ARHGEF38: variants seen among roughly 807,000 people sequenced by gnomAD.
The protein encoded by ARHGEF38 is Rho guanine nucleotide exchange factor (GEF) 38.
A neutral mutation model predicts 79.9 loss-of-function variants in ARHGEF38; 79 were observed. The observed-to-expected ratio is 0.99, with a 90% CI of 0.82 to 1.19. The LOEUF (loss-of-function observed/expected upper bound fraction) is 1.19. ARHGEF38 is among the 50% of genes most tolerant of loss of function. The pLI is 0.00. For synonymous variants in ARHGEF38, 366 were observed against 328.3 expected (o/e 1.11, Z -1.24); for missense variants, 962 against 907.2 (o/e 1.06, Z -0.78).
At chr4:105,561,374 C>A (rs1725515712) in intron 1 of ARHGEF38, among the ~76,000 whole-genome samples, 1 of 125,004 alleles carries the variant, frequency 8.0e-6, no homozygotes, top group Non-Finnish European at 1.7e-5. Context: ...TGCACTCCAG[C>A]CTGGAGTCTC....
intron 2 of ARHGEF38, among the ~76,000 whole-genome samples, chr4:105,604,228 G>A (rs1261969217): frequency 6.6e-6 from 1 of 152,166 alleles, no homozygotes; most frequent in African/African-American, 2.4e-5. Flanking sequence ...TAACTTAGAT[G>A]TCATGATCAA....
intron 1 of ARHGEF38, among the ~76,000 whole-genome samples, chr4:105,577,953 T>C (rs1013797759): frequency 6.6e-6 from 1 of 152,194 alleles, no homozygotes; most frequent in African/African-American, 2.4e-5. Flanking sequence ...GTTATTCCTC[T>C]TCTTCTGCTA....
At chr4:105,648,819 C>T (rs76964186) in intron 7 of ARHGEF38, 137 bp downstream of exon 7, 5,893 of 490,890 alleles carry the variant, frequency 0.012, 39 homozygotes, top group Middle Eastern at 0.018. Flanking sequence ...CTCTTGTCTC[C>T]CTCTCTCTCT....
rs10032241 is a variant in ARHGEF38, at chr4:105,552,921, G to A, written c.156G>A (p.Arg52=). 0.079 allele frequency: 128,112 copies of A among 1,612,650 alleles called. 9,634 individuals are homozygous for A. The highest frequency in any genetic ancestry group is 0.4 in the African/African-American group (29,680 of 74,748). Residue 52 remains arginine (R), a synonymous_variant, in exon 1 of 14, where the codon AGG becomes AGA. Transcript: ENST00000420470. ...VSGDHSGTLR[R]SQSDRTEYNQ... ...GGGACCACTCTGGCACCTTGAGGAG[G>A]AGCCAATCTGACAGGACCGAATACA...
At chr4:105,600,237 T>C (rs1372724597) in intron 2 of ARHGEF38, among the ~76,000 whole-genome samples, 1 of 151,964 alleles carries the variant, frequency 6.6e-6, no homozygotes, top group African/African-American at 2.4e-5. Context: ...CAAATAACAA[T>C]CAAAGATCTA....
At position 105,562,902 on chromosome 4, in the gene ARHGEF38, G is replaced by A. The variant is rs553644867; in HGVS notation, c.196+9941G>A. Among the ~76,000 whole-genome samples the A allele has an allele frequency of 2.2e-4, 33 of 152,280 alleles. No individual in the cohort carries two copies. In the South Asian group the frequency reaches 5.8e-3, roughly 27 times the overall value. On this transcript the variant is annotated intron_variant, in intron 1 of 13. Coordinates refer to ENST00000420470, the MANE Select transcript of ARHGEF38 (RefSeq NM_001242729.2). ...CAGGGAGAGGCCGAGCTGTGATGTGGTCTCATTGGAAGCTTTAGCCAACTC... is the reference window on the plus strand; with the variant it reads ...CAGGGAGAGGCCGAGCTGTGATGTGATCTCATTGGAAGCTTTAGCCAACTC...
At chr4:105,616,749 T>C (rs1183174884) in intron 3 of ARHGEF38, among the ~76,000 whole-genome samples, 2 of 152,146 alleles carry the variant, frequency 1.3e-5, no homozygotes, top group South Asian at 2.1e-4. Context: ...TCCTCAATGC[T>C]ATCATTGACC....
chr4:105,556,679 T>A (rs1300738111), intron 1 of ARHGEF38, among the ~76,000 whole-genome samples: 1 of 152,158 alleles, frequency 6.6e-6, no homozygotes, highest in African/African-American at 2.4e-5. Context: ...ATCTGTCTTG[T>A]TAACTGTTGC....
chr4:105,678,978 T>C lies in ARHGEF38; in HGVS notation c.*1041T>C. On this transcript the variant is annotated 3_prime_UTR_variant, in exon 14 of 14. Transcript: ENST00000420470. ...GACACATACCTCAACAATGATGACC[T>C]AATTTTTGATCCATAATGTAAGATT... The C allele has an allele frequency of 3.9e-6, 1 of 256,496 alleles. No homozygotes were observed. The highest frequency in any genetic ancestry group is 7.3e-6 in the Non-Finnish European group (1 of 136,242). The allele number at this position is 256,496 out of a possible 1,614,324, so 15.9% of individuals were successfully genotyped here.
chr4:105,672,215 T>C (rs1730979316), intron 13 of ARHGEF38, among the ~76,000 whole-genome samples: 1 of 152,210 alleles, frequency 6.6e-6, no homozygotes, highest in African/African-American at 2.4e-5. Context: ...TTTGCATATG[T>C]ACACATCTAT....
intron 4 of ARHGEF38, among the ~76,000 whole-genome samples, chr4:105,635,687 A>G (rs1339558937): frequency 6.6e-6 from 1 of 152,152 alleles, no homozygotes; most frequent in African/African-American, 2.4e-5. Context: ...AGCTTAAAGG[A>G]AATGATTGGA....
At chr4:105,665,451 C>T (rs191767478) in intron 10 of ARHGEF38, among the ~76,000 whole-genome samples, 42 of 151,948 alleles carry the variant, frequency 2.8e-4, no homozygotes, top group African/African-American at 9.6e-4. Flanking sequence ...GAGCCAAAAT[C>T]GTGCCTCTGC....
intron 13 of ARHGEF38, among the ~76,000 whole-genome samples, chr4:105,670,752 T>G (rs1167661393): frequency 3.3e-5 from 5 of 152,202 alleles, no homozygotes; most frequent in African/African-American, 9.6e-5. Context: ...GAAATCTATG[T>G]ACCTGATTAA....
At chr4:105,627,058 A>G (rs575083661) in intron 3 of ARHGEF38, among the ~76,000 whole-genome samples, 2 of 152,304 alleles carry the variant, frequency 1.3e-5, no homozygotes, top group African/African-American at 2.4e-5. Flanking sequence ...TTCACATAGT[A>G]TGGTAAACGG....
chr4:105,588,979 T>C (rs1345624149), intron 1 of ARHGEF38, among the ~76,000 whole-genome samples: 1 of 152,242 alleles, frequency 6.6e-6, no homozygotes, highest in Non-Finnish European at 1.5e-5. Flanking sequence ...ATACCGGCTT[T>C]ATAGGCTAAG....
chr4:105,640,510 G>A (rs1729575586), intron 5 of ARHGEF38, among the ~76,000 whole-genome samples: 2 of 152,208 alleles, frequency 1.3e-5, no homozygotes, highest in South Asian at 2.1e-4. Flanking sequence ...CCCTTCCAGA[G>A]TCTCCAGTCC....
chr4:105,552,820 C>T lies in ARHGEF38; in HGVS notation c.55C>T (p.Leu19=). ...AAACATGGTCACCAAGAAAAAGAAT[C>T]TGGCCTTCTTGAGGTCTAGACTCTA... ...KENMVTKKKN[L]AFLRSRLYML... Residue 19 remains leucine (L), a synonymous_variant, in exon 1 of 14, where the codon CTG becomes TTG. Transcript: ENST00000420470. The T allele has an allele frequency of 6.2e-7, 1 of 1,612,924 alleles. No individual in the cohort carries two copies. The highest frequency in any genetic ancestry group is 8.5e-7 in the Non-Finnish European group (1 of 1,179,618).
At chr4:105,591,511 G>A (rs1727338582) in intron 2 of ARHGEF38, among the ~76,000 whole-genome samples, 1 of 152,196 alleles carries the variant, frequency 6.6e-6, no homozygotes, top group Admixed American at 6.5e-5. Context: ...TTACAGGCGT[G>A]AGCCACCATG....
intron 3 of ARHGEF38, among the ~76,000 whole-genome samples, chr4:105,618,802 G>T (rs1175069300): frequency 6.6e-6 from 1 of 152,160 alleles, no homozygotes; most frequent in African/African-American, 2.4e-5. Flanking sequence ...CAAAGGGAAA[G>T]GTGGTAACTT....
Sources: allele counts gnomAD v4.1 joint callset (sites outside exome capture counted in the v4.1 genomes callset), GRCh38; gene constraint gnomAD v4.1.1; transcripts MANE v1.5; gene names NCBI Gene and HGNC (gene_info 2026-07-23, HGNC 2026-07-21).